Variants in TBX20 observed in about 807,000 individuals in gnomAD.
The protein encoded by TBX20 is T-box transcription factor 20.
TBX20 carries 8 observed loss-of-function variants against 42.9 expected under a neutral mutation model. The observed-to-expected ratio is 0.19, with a 90% CI of 0.11 to 0.34. The LOEUF (loss-of-function observed/expected upper bound fraction) is 0.34, where lower values mean the gene tolerates loss of function less well. Among genes scored for constraint, TBX20 ranks in the 10% least tolerant of loss-of-function variants. The probability of loss-of-function intolerance (pLI) is 1.00; values close to 1 mark genes in which losing one functional copy is unlikely to be tolerated. For missense variants in TBX20, 411 were observed against 566.0 expected, an observed-to-expected ratio of 0.73 and a Z score of 2.78; for synonymous variants, 198 against 222.8, an observed-to-expected ratio of 0.89 and a Z score of 0.99.
chr7:35,239,854 C>T (rs1472572130), intron 5 of TBX20, among the ~76,000 whole-genome samples: 1 of 151,988 alleles, frequency 6.6e-6, no homozygotes, highest in Admixed American at 6.6e-5. Context: ...CAGGTTCAAG[C>T]GATTCTCCTG....
intron 6 of TBX20, among the ~76,000 whole-genome samples, chr7:35,206,386 A>T (rs1187769608): frequency 5.9e-5 from 9 of 152,176 alleles, no homozygotes; most frequent in African/African-American, 2.2e-4. Flanking sequence ...TGTCTCTATT[A>T]AAAATACAAA....
intron 1 of TBX20, among the ~76,000 whole-genome samples, chr7:35,251,294 T>G (rs1382898726): frequency 6.6e-6 from 1 of 152,236 alleles, no homozygotes; most frequent in African/African-American, 2.4e-5. Context: ...GTACATGATG[T>G]GTGTGGGCAT....
intron 5 of TBX20, among the ~76,000 whole-genome samples, chr7:35,233,617 G>A (rs1789908286): frequency 6.6e-6 from 1 of 152,180 alleles, no homozygotes. Flanking sequence ...GTTTTGGGAG[G>A]GAAGGGGAAA....
At chr7:35,252,160 C>A (rs1344795063) in intron 1 of TBX20, among the ~76,000 whole-genome samples, 1 of 152,176 alleles carries the variant, frequency 6.6e-6, no homozygotes, top group African/African-American at 2.4e-5. Flanking sequence ...TCTTTTCCTG[C>A]TATGTAACAA....
intron 6 of TBX20, among the ~76,000 whole-genome samples, chr7:35,219,599 T>C (rs1584345122): frequency 6.6e-6 from 1 of 152,254 alleles, no homozygotes; most frequent in Non-Finnish European, 1.5e-5. Context: ...GCACTGCTCC[T>C]AAGGAAACAC....
chr7:35,239,755 T>C (rs1190413561), intron 5 of TBX20, among the ~76,000 whole-genome samples: 1 of 152,056 alleles, frequency 6.6e-6, no homozygotes, highest in Non-Finnish European at 1.5e-5. Flanking sequence ...TTTTTTTTAA[T>C]TTTATTATTT....
At position 35,253,486 on chromosome 7, in the gene TBX20, C is replaced by G; in HGVS notation, c.127+8G>C. ...GTCCTCGGCGGACAGCCGGGTAGCC[C>G]AACTTACCCAGGGGTTTGATTGTGT... On this transcript the variant is annotated splice_region_variant and intron_variant, in intron 1 of 7. Transcript: ENST00000408931. The G allele has an allele frequency of 6.2e-7, 1 of 1,608,700 alleles. No homozygotes were observed. The highest frequency in any genetic ancestry group is 8.5e-7 in the Non-Finnish European group (1 of 1,178,026).
intron 6 of TBX20, among the ~76,000 whole-genome samples, chr7:35,208,047 T>C (rs948266431): frequency 9.2e-5 from 14 of 152,346 alleles, no homozygotes; most frequent in Middle Eastern, 6.8e-3. Flanking sequence ...ATCTTAATAT[T>C]GCATCCTTCA....
intron 4 of TBX20, among the ~76,000 whole-genome samples, chr7:35,242,990 T>C (rs1790112535): frequency 6.6e-6 from 1 of 152,174 alleles, no homozygotes; most frequent in South Asian, 2.1e-4. Flanking sequence ...AATATAATTT[T>C]TTTTTGAGAC....
In TBX20 at chr7:35,253,778, C is replaced by CTGCA. The variant is rs1161703742; in HGVS notation, c.-162_-159dup. ...AGTGTCAGCTCCAACGACTCCAGAG[C>CTGCA]TGCACACTGGCCTCTATTCCCCACC... On this transcript the variant is annotated 5_prime_UTR_variant, in exon 1 of 8. It adds an upstream start codon to the 5' untranslated region. Coordinates refer to ENST00000408931, the MANE Select transcript of TBX20 (RefSeq NM_001077653.2). The CTGCA allele has an allele frequency of 1.7e-5, 15 of 871,806 alleles. No individual in the cohort carries two copies. In the African/African-American group the frequency reaches 1.9e-4, roughly 11 times the overall value. The allele number at this position is 871,806 out of a possible 1,614,324, so 54.0% of individuals were successfully genotyped here.
chr7:35,203,650 T>C (rs1789345185), intron 7 of TBX20, among the ~76,000 whole-genome samples: 1 of 152,244 alleles, frequency 6.6e-6, no homozygotes, highest in Non-Finnish European at 1.5e-5. Context: ...CAGTAGGCTA[T>C]TAGCAGTTAA....
intron 6 of TBX20, among the ~76,000 whole-genome samples, chr7:35,214,432 G>T (rs1298371264): frequency 4.6e-5 from 7 of 152,146 alleles, no homozygotes; most frequent in Non-Finnish European, 8.8e-5. Context: ...TGAATCCCAT[G>T]AGTTAGGCTT....
At chr7:35,252,328 T>A (rs1160527970) in intron 1 of TBX20, among the ~76,000 whole-genome samples, 4 of 152,034 alleles carry the variant, frequency 2.6e-5, no homozygotes, top group Admixed American at 1.3e-4. Flanking sequence ...TAGATTTAGA[T>A]GGGAGGTGGG....
chr7:35,220,205 C>T (rs994098471), intron 6 of TBX20, among the ~76,000 whole-genome samples: 2 of 152,226 alleles, frequency 1.3e-5, no homozygotes, highest in Non-Finnish European at 2.9e-5. Context: ...TCTGTTGGAA[C>T]TTCATCAAAA....
At chr7:35,233,668 G>A (rs1296511689) in intron 5 of TBX20, among the ~76,000 whole-genome samples, 1 of 152,152 alleles carries the variant, frequency 6.6e-6, no homozygotes. Flanking sequence ...ATCCTCTAAA[G>A]CCCAGGCAAT....
intron 5 of TBX20, among the ~76,000 whole-genome samples, chr7:35,232,376 C>T (rs923033998): frequency 1.3e-5 from 2 of 152,226 alleles, no homozygotes; most frequent in African/African-American, 2.4e-5. Flanking sequence ...AAGGAGAATA[C>T]GTTAAGTTGT....
intron 1 of TBX20, 102 bp from the exon 2 acceptor site, chr7:35,250,305 A>C: frequency 1.4e-6 from 2 of 1,430,818 alleles, no homozygotes; most frequent in South Asian, 2.5e-5. Context: ...TGACTCAGGA[A>C]AAGTTAAGCT....
intron 1 of TBX20, among the ~76,000 whole-genome samples, chr7:35,250,590 T>C (rs1790287188): frequency 6.6e-6 from 1 of 152,224 alleles, no homozygotes; most frequent in Non-Finnish European, 1.5e-5. Context: ...ATGCCAGTCC[T>C]GCCTCTTTGA....
At chr7:35,217,993 T>C (rs1189248695) in intron 6 of TBX20, among the ~76,000 whole-genome samples, 4 of 152,238 alleles carry the variant, frequency 2.6e-5, no homozygotes, top group Non-Finnish European at 4.4e-5. Flanking sequence ...GTGCTGGAAT[T>C]ACAGGCGTGA....
Sources: gnomAD v4.1 joint callset for allele counts (sites outside exome capture counted in the v4.1 genomes callset) on GRCh38, gnomAD v4.1.1 for gene constraint, MANE v1.5 for transcripts, NCBI Gene and HGNC (gene_info 2026-07-23, HGNC 2026-07-21) for gene names.